The following FBXL17 variants were observed in gnomAD, a reference collection of about 807,000 sequenced individuals.
FBXL17 encodes F-box/LRR-repeat protein 17.
FBXL17 carries 22 observed loss-of-function variants against 66.2 expected under a neutral mutation model. The ratio of observed to expected loss-of-function variants is 0.33; its 90% CI spans 0.24 to 0.47. The LOEUF is 0.47. FBXL17 is among the 20% of genes least tolerant of loss of function. The probability of loss-of-function intolerance (pLI) is 1.00; values close to 1 mark genes in which losing one functional copy is unlikely to be tolerated. For synonymous variants in FBXL17, 474 were observed against 400.5 expected, an observed-to-expected ratio of 1.18 and a Z score of -2.19; for missense variants, 878 against 948.2, an observed-to-expected ratio of 0.93 and a Z score of 0.97.
intron 8 of FBXL17, chr5:107,878,766 T>C (rs931384117): frequency 2.0e-6 from 2 of 985,352 alleles, no homozygotes; most frequent in African/African-American, 3.5e-5. Context: ...TGTGTGTGGT[T>C]TGGAACTGTC....
At chr5:108,103,244 T>C (rs1749667703) in intron 6 of FBXL17, among the ~76,000 whole-genome samples, 1 of 152,218 alleles carries the variant, frequency 6.6e-6, no homozygotes. Flanking sequence ...TTTATACAAT[T>C]ATGCAAAAGG....
intron 7 of FBXL17, among the ~76,000 whole-genome samples, chr5:107,923,331 T>C (rs1340380441): frequency 6.6e-6 from 1 of 152,200 alleles, no homozygotes; most frequent in Admixed American, 6.5e-5. Context: ...TCTGGTGGCC[T>C]GTTATGGCGT....
intron 8 of FBXL17, 31 bp from the exon 9 acceptor site, chr5:107,861,891 C>T: frequency 5.5e-6 from 8 of 1,464,004 alleles, no homozygotes; most frequent in Non-Finnish European, 6.4e-6. Flanking sequence ...CCATCACGCA[C>T]AGAGACCACC....
rs370631843 is a variant in FBXL17, at chr5:108,173,096, C to T, written c.1745+13021G>A. Among the ~76,000 whole-genome samples, 78 of 152,192 alleles carry T rather than the reference C, an allele frequency of 5.1e-4. No individual in the cohort carries two copies. The South Asian group carries it at 7.1e-3, about 14-fold the overall frequency. ...GATTACAGGTGTGAGCCACTGTGCC[C>T]GGCCAACAGCAGTTTTCTAATTGAA... On this transcript the variant is annotated intron_variant, in intron 6 of 8. Coordinates refer to ENST00000542267, the MANE Select transcript of FBXL17 (RefSeq NM_001163315.3).
intron 7 of FBXL17, among the ~76,000 whole-genome samples, chr5:107,905,057 C>CTATATATA (rs141059143): frequency 4.1e-5 from 6 of 146,020 alleles, no homozygotes; most frequent in African/African-American, 1.2e-4. Context: ...AACTTTTTTG[C>CTATATATA]TATATATATA....
chr5:107,945,557 T>C (rs1277020424), intron 7 of FBXL17, among the ~76,000 whole-genome samples: 2 of 152,032 alleles, frequency 1.3e-5, no homozygotes, highest in Non-Finnish European at 2.9e-5. Flanking sequence ...GGACCACATA[T>C]AACAATGTGG....
chr5:108,226,984 A>C (rs1030633565), intron 4 of FBXL17, among the ~76,000 whole-genome samples: 5 of 152,168 alleles, frequency 3.3e-5, no homozygotes, highest in Non-Finnish European at 5.9e-5. Flanking sequence ...CTAGATTGAC[A>C]AATGGAGATC....
At chr5:107,973,354 A>ATTTTTTTTTTTTTT (rs200079422) in intron 7 of FBXL17, among the ~76,000 whole-genome samples, 4 of 120,436 alleles carry the variant, frequency 3.3e-5, no homozygotes, top group Admixed American at 8.3e-5. Context: ...TTTTTTTGTA[A>ATTTTTTTTTTTTTT]TTTTTTTTTT....
intron 6 of FBXL17, among the ~76,000 whole-genome samples, chr5:108,104,471 T>C (rs1466363976): frequency 1.3e-5 from 2 of 152,246 alleles, no homozygotes; most frequent in Non-Finnish European, 2.9e-5. Flanking sequence ...ACACTAAGTA[T>C]AGGCTCAAAA....
chr5:108,178,653 T>G (rs1752886667), intron 6 of FBXL17, among the ~76,000 whole-genome samples: 1 of 152,198 alleles, frequency 6.6e-6, no homozygotes, highest in African/African-American at 2.4e-5. Flanking sequence ...TTACTAAAGC[T>G]TCACCTAACC....
At chr5:108,235,017 T>G (rs1419422115) in intron 4 of FBXL17, among the ~76,000 whole-genome samples, 2 of 152,220 alleles carry the variant, frequency 1.3e-5, no homozygotes, top group Non-Finnish European at 2.9e-5. Context: ...AGAATAAGAT[T>G]GATTCAATGA....
chr5:108,268,090 A>G (rs917847851), intron 4 of FBXL17, among the ~76,000 whole-genome samples: 5 of 152,100 alleles, frequency 3.3e-5, no homozygotes, highest in African/African-American at 1.2e-4. Flanking sequence ...TATAGTAATA[A>G]GAAAGAAAAA....
intron 7 of FBXL17, among the ~76,000 whole-genome samples, chr5:107,966,003 T>C (rs1433206878): frequency 6.6e-6 from 1 of 152,098 alleles, no homozygotes; most frequent in East Asian, 1.9e-4. Flanking sequence ...AAACAAAAGG[T>C]AGAATGGGCT....
intron 7 of FBXL17, among the ~76,000 whole-genome samples, chr5:107,957,983 G>A (rs1434611044): frequency 6.6e-6 from 1 of 152,072 alleles, no homozygotes; most frequent in East Asian, 1.9e-4. Context: ...TGCAGGGAGT[G>A]AGGCCCAGTG....
intron 6 of FBXL17, among the ~76,000 whole-genome samples, chr5:108,162,582 T>G (rs1752257588): frequency 6.6e-6 from 1 of 152,200 alleles, no homozygotes; most frequent in Non-Finnish European, 1.5e-5. Context: ...TGAACTGCAC[T>G]AGCAACTACT....
At chr5:108,321,038 G>C (rs186827144) in intron 4 of FBXL17, among the ~76,000 whole-genome samples, 20 of 151,838 alleles carry the variant, frequency 1.3e-4, no homozygotes, top group African/African-American at 4.3e-4. Context: ...AATATATTTA[G>C]TAACAGCAAT....
intron 7 of FBXL17, among the ~76,000 whole-genome samples, chr5:107,889,404 A>C (rs1749117438): frequency 6.6e-6 from 1 of 152,202 alleles, no homozygotes; most frequent in African/African-American, 2.4e-5. Context: ...AATCCCTGAA[A>C]ATCAAGTGGA....
intron 6 of FBXL17, among the ~76,000 whole-genome samples, chr5:108,042,174 G>A (rs915374015): frequency 3.9e-5 from 6 of 152,184 alleles, no homozygotes; most frequent in East Asian, 3.9e-4. Flanking sequence ...GATTACAGGC[G>A]TGAGCCACCG....
At chr5:107,956,661 T>A (rs72795987) in intron 7 of FBXL17, among the ~76,000 whole-genome samples, 3,820 of 152,178 alleles carry the variant, frequency 0.025, 76 homozygotes, top group South Asian at 0.039. Flanking sequence ...ATTAGTTCAA[T>A]CCCCACAGTG....
Sources: allele counts gnomAD v4.1 joint callset (sites outside exome capture counted in the v4.1 genomes callset), GRCh38; gene constraint gnomAD v4.1.1; transcripts MANE v1.5; gene names NCBI Gene and HGNC (gene_info 2026-07-23, HGNC 2026-07-21).